NCKAP5: variants seen among roughly 807,000 people sequenced by gnomAD.
NCKAP5 encodes the protein nck-associated protein 5.
NCKAP5 carries 92 observed loss-of-function variants against 167.0 expected under a neutral mutation model. The ratio of observed to expected loss-of-function variants is 0.55; its 90% CI spans 0.47 to 0.66. NCKAP5 has a LOEUF of 0.66. NCKAP5 is among the 30% of genes least tolerant of loss of function. The pLI is 0.00. For missense variants in NCKAP5, 2,378 were observed against 2,315.0 expected, an observed-to-expected ratio of 1.03 and a Z score of -0.56; for synonymous variants, 891 against 877.4, an observed-to-expected ratio of 1.02 and a Z score of -0.27.
chr2:133,277,694 C>T (rs568750018), intron 4 of NCKAP5, among the ~76,000 whole-genome samples: 50 of 152,132 alleles, frequency 3.3e-4, no homozygotes, highest in African/African-American at 1.1e-3. Context: ...GGCAGGAAAA[C>T]ACTAAGAAAG....
intron 2 of NCKAP5, among the ~76,000 whole-genome samples, chr2:133,531,941 A>G (rs1004496847): frequency 5.9e-5 from 9 of 152,134 alleles, no homozygotes; most frequent in Admixed American, 6.6e-5. Flanking sequence ...CCATTCCCCT[A>G]TTCTATCCTA....
At chr2:133,178,783 C>A (rs2084594161) in intron 5 of NCKAP5, among the ~76,000 whole-genome samples, 1 of 147,040 alleles carries the variant, frequency 6.8e-6, no homozygotes. Context: ...CGAGATAGCG[C>A]CACTGCACTC....
At chr2:132,818,922 T>G (rs72847247) in intron 11 of NCKAP5, among the ~76,000 whole-genome samples, 28,320 of 152,202 alleles carry the variant, frequency 0.19, 2,941 homozygotes, top group East Asian at 0.3. Flanking sequence ...AACTTGCCTC[T>G]TGCGCTTGCT....
the NCKAP5 span, among the ~76,000 whole-genome samples, chr2:133,667,306 C>A: frequency 2.6e-5 from 4 of 151,988 alleles, no homozygotes; most frequent in Non-Finnish European, 5.9e-5. Flanking sequence ...CATGGAAACT[C>A]TAAACATCAA....
At position 133,356,851 on chromosome 2, in the gene NCKAP5, G is replaced by A. The variant is rs569151548; in HGVS notation, c.70-53741C>T. 2.0e-4 allele frequency among the ~76,000 whole-genome samples: 30 copies of A among 152,238 alleles called. No individual in the cohort carries two copies. In the South Asian group the frequency reaches 6.0e-3, roughly 31 times the overall value. On this transcript the variant is annotated intron_variant, in intron 3 of 19. Coordinates refer to ENST00000409261, the MANE Select transcript of NCKAP5 (RefSeq NM_207363.3). ...AACATCAATACTTGCATTATATAGA[G>A]GAGGCCTTTAAACTACTGTCTAGGG...
intron 11 of NCKAP5, among the ~76,000 whole-genome samples, chr2:132,858,974 C>T (rs1248604916): frequency 6.6e-6 from 1 of 152,120 alleles, no homozygotes; most frequent in African/African-American, 2.4e-5. Flanking sequence ...CAGGAACATG[C>T]AACAGCTTTT....
chr2:132,889,062 G>A (rs1474354308), intron 8 of NCKAP5, among the ~76,000 whole-genome samples: 1 of 152,136 alleles, frequency 6.6e-6, no homozygotes, highest in Non-Finnish European at 1.5e-5. Flanking sequence ...AATGTTTTGA[G>A]GTGGTATAAA....
At chr2:133,102,406 C>T (rs907135480) in intron 6 of NCKAP5, among the ~76,000 whole-genome samples, 6 of 152,164 alleles carry the variant, frequency 3.9e-5, no homozygotes, top group Non-Finnish European at 2.9e-5. Context: ...CTCAGCCTCC[C>T]CAAGTGCTGG....
At chr2:132,879,398 A>T (rs73956073) in intron 8 of NCKAP5, among the ~76,000 whole-genome samples, 1 of 152,240 alleles carries the variant, frequency 6.6e-6, no homozygotes, top group African/African-American at 2.4e-5. Flanking sequence ...ACTTACGTAC[A>T]TAAGATAATG....
intron 6 of NCKAP5, among the ~76,000 whole-genome samples, chr2:133,128,102 C>T (rs916458553): frequency 2.6e-5 from 4 of 152,144 alleles, no homozygotes; most frequent in African/African-American, 9.7e-5. Context: ...TGTTTGTTCT[C>T]TCCCTGCAAC....
At chr2:133,462,549 T>C (rs951167651) in intron 3 of NCKAP5, among the ~76,000 whole-genome samples, 7 of 152,302 alleles carry the variant, frequency 4.6e-5, no homozygotes, top group African/African-American at 1.7e-4. Flanking sequence ...TATACTTTTA[T>C]AAGACAATCA....
intron 3 of NCKAP5, among the ~76,000 whole-genome samples, chr2:133,318,816 G>C (rs1030218715): frequency 3.9e-5 from 6 of 152,128 alleles, no homozygotes; most frequent in Non-Finnish European, 7.3e-5. Flanking sequence ...GCTCCCCTGG[G>C]TTCTACCTGG....
chr2:133,544,693 G>A (rs924309612), intron 2 of NCKAP5, among the ~76,000 whole-genome samples: 1 of 152,136 alleles, frequency 6.6e-6, no homozygotes, highest in Non-Finnish European at 1.5e-5. Flanking sequence ...TCACACAAAT[G>A]GATGAACTGT....
At chr2:132,964,273 G>A (rs1378372358) in intron 7 of NCKAP5, among the ~76,000 whole-genome samples, 3 of 152,154 alleles carry the variant, frequency 2.0e-5, no homozygotes, top group Non-Finnish European at 2.9e-5. Flanking sequence ...TAAAGTCACT[G>A]GACATGCAGC....
chr2:133,621,434 G>A, the NCKAP5 span, among the ~76,000 whole-genome samples: 1 of 151,906 alleles, frequency 6.6e-6, no homozygotes, highest in South Asian at 2.1e-4. Flanking sequence ...GAAATGAAAT[G>A]AGAGCTATCA....
At chr2:133,627,788 CTT>C in the NCKAP5 span, among the ~76,000 whole-genome samples, 1 of 152,198 alleles carries the variant, frequency 6.6e-6, no homozygotes, top group Admixed American at 6.5e-5. Flanking sequence ...GTGTAGCAGA[CTT>C]ATGCTAAAAT....
At chr2:133,187,414 G>T (rs571559553) in intron 5 of NCKAP5, among the ~76,000 whole-genome samples, 1 of 152,094 alleles carries the variant, frequency 6.6e-6, no homozygotes, top group South Asian at 2.1e-4. Flanking sequence ...TAAAATCCAG[G>T]CATGCTGGCA....
the NCKAP5 span, among the ~76,000 whole-genome samples, chr2:133,607,688 C>T: frequency 6.6e-6 from 1 of 152,164 alleles, no homozygotes; most frequent in Non-Finnish European, 1.5e-5. Flanking sequence ...AAAAAGCACT[C>T]ATGATTTTTA....
intron 2 of NCKAP5, among the ~76,000 whole-genome samples, chr2:133,544,483 T>G (rs543003681): frequency 6.6e-6 from 1 of 152,360 alleles, no homozygotes; most frequent in Non-Finnish European, 1.5e-5. Flanking sequence ...TTTCCCCACT[T>G]AATAATATGT....
Sources: allele counts gnomAD v4.1 joint callset (sites outside exome capture counted in the v4.1 genomes callset), GRCh38; gene constraint gnomAD v4.1.1; transcripts MANE v1.5; gene names NCBI Gene and HGNC (gene_info 2026-07-23, HGNC 2026-07-21).